NDRG3: variants seen among roughly 807,000 people sequenced by gnomAD.
NDRG3 encodes the protein NDRG family member 3.
In NDRG3, 23 loss-of-function variants were observed where a neutral mutation model predicts 57.2. The observed-to-expected ratio is 0.40, with a 90% CI of 0.29 to 0.57. The LOEUF (loss-of-function observed/expected upper bound fraction) is 0.57. Among genes scored for constraint, NDRG3 ranks in the 20% least tolerant of loss-of-function variants. NDRG3 has a pLI of 0.42. For synonymous variants in NDRG3, 132 were observed against 162.6 expected (o/e 0.81, Z 1.43); for missense variants, 384 against 457.3 (o/e 0.84, Z 1.46).
chr20:36,706,237 G>C (rs954079957), intron 3 of NDRG3, among the ~76,000 whole-genome samples: 2 of 152,144 alleles, frequency 1.3e-5, no homozygotes, highest in Non-Finnish European at 2.9e-5. Flanking sequence ...AGAGAAATCT[G>C]CATATTGTAT....
chr20:36,660,473 T>G, intron 12 of NDRG3, 89 bp from the exon 13 acceptor site: 2 of 905,052 alleles, frequency 2.2e-6, no homozygotes, highest in Non-Finnish European at 3.6e-6. Context: ...TCTTGCAAGA[T>G]CAACAGCTCA....
intron 7 of NDRG3, 45 bp from the exon 8 acceptor site, chr20:36,680,947 C>T: frequency 6.7e-7 from 1 of 1,503,058 alleles, no homozygotes. Context: ...TACACTCCCA[C>T]AGTTCTTCTA....
At chr20:36,657,349 G>A (rs1268856232) in intron 13 of NDRG3, among the ~76,000 whole-genome samples, 1 of 151,994 alleles carries the variant, frequency 6.6e-6, no homozygotes, top group Admixed American at 6.6e-5. Context: ...TTAGCCGGGC[G>A]TGGTGGCACA....
chr20:36,688,384 AAAC>A (rs1981969790), intron 4 of NDRG3, among the ~76,000 whole-genome samples: 3 of 152,188 alleles, frequency 2.0e-5, no homozygotes, highest in Non-Finnish European at 4.4e-5. Flanking sequence ...TAAAAAAAAA[AAAC>A]AGAGTACAGG....
intron 3 of NDRG3, among the ~76,000 whole-genome samples, chr20:36,693,125 T>TAC (rs71186014): frequency 1.6e-5 from 1 of 62,140 alleles, no homozygotes; most frequent in Non-Finnish European, 2.9e-5. Context: ...TATATATATA[T>TAC]ATATATATAT....
intron 3 of NDRG3, among the ~76,000 whole-genome samples, chr20:36,698,598 T>C (rs1982995230): frequency 6.6e-6 from 1 of 151,604 alleles, no homozygotes; most frequent in African/African-American, 2.4e-5. Context: ...ATCCAATTTA[T>C]GTATTGAAAA....
rs750626084 is a variant in NDRG3 at position 36,693,121 on chromosome 20, TATATATATATATATATATATAC to T, written c.94-4359_94-4338del. ...AAAAAAAAAAATATATATATATATATATATATATATATATATATATACACACACACACATATACACATATATA... is the reference window on the plus strand; with the variant it reads ...AAAAAAAAAAATATATATATATATATACACACACACATATACACATATATA... On this transcript the variant is annotated intron_variant, in intron 3 of 15. Transcript: ENST00000349004. Among the ~76,000 whole-genome samples the T allele has an allele frequency of 6.3e-3, 355 of 56,550 alleles. 7 individuals carry two copies. The highest frequency in any genetic ancestry group is 0.013 in the African/African-American group (177 of 13,580). 37.1% of individuals were successfully genotyped at this position (56,550 alleles called of 152,430 possible). A position where few individuals can be genotyped will look rare whatever the true frequency, so the allele number is the denominator to read the frequency against.
chr20:36,711,768 T>C (rs993598888), intron 2 of NDRG3, among the ~76,000 whole-genome samples: 2 of 152,190 alleles, frequency 1.3e-5, no homozygotes, highest in Non-Finnish European at 2.9e-5. Flanking sequence ...TGAAGACTAT[T>C]TAGCACTTGT....
At position 36,651,805 on chromosome 20, in the gene NDRG3, C is replaced by G. The variant is rs539854037; in HGVS notation, c.*1715G>C. The G allele has an allele frequency of 6.6e-6, 1 of 152,312 alleles. No homozygotes were observed. The highest frequency in any genetic ancestry group is 2.4e-5 in the African/African-American group (1 of 41,570). 9.4% of individuals were successfully genotyped at this position (152,312 alleles called of 1,614,324 possible). The stretch of plus-strand genomic sequence containing the variant: ...GACATATGCAGCTTTATTTAATAAT[C>G]TGTAAAAAGTCATACTCTGGCAGAG... On this transcript the variant is annotated 3_prime_UTR_variant, in exon 16 of 16. Coordinates refer to ENST00000349004, the MANE Select transcript of NDRG3 (RefSeq NM_032013.4).
At chr20:36,718,304 C>T (rs945279300) in intron 2 of NDRG3, among the ~76,000 whole-genome samples, 1 of 152,142 alleles carries the variant, frequency 6.6e-6, no homozygotes, top group South Asian at 2.1e-4. Context: ...ACCTGCTTGG[C>T]GAGAGCCAAG....
chr20:36,739,733 AC>A (rs1019973270), intron 1 of NDRG3, among the ~76,000 whole-genome samples: 3 of 151,206 alleles, frequency 2.0e-5, no homozygotes, highest in African/African-American at 7.3e-5. Flanking sequence ...CCATGGTGAA[AC>A]CCCGTCTCTA....
chr20:36,676,991 G>C (rs1980786210), intron 8 of NDRG3, among the ~76,000 whole-genome samples: 1 of 152,230 alleles, frequency 6.6e-6, no homozygotes, highest in South Asian at 2.1e-4. Context: ...GTGGATCTCA[G>C]CCTCCCTGTG....
chr20:36,676,588 G>A (rs958010770), intron 8 of NDRG3, among the ~76,000 whole-genome samples: 22 of 151,996 alleles, frequency 1.4e-4, no homozygotes, highest in African/African-American at 4.8e-4. Context: ...TCAGCCTCCC[G>A]AGTAGCTGGG....
At chr20:36,712,398 T>TC (rs1020437354) in intron 2 of NDRG3, among the ~76,000 whole-genome samples, 1 of 143,312 alleles carries the variant, frequency 7.0e-6, no homozygotes, top group African/African-American at 2.6e-5. Context: ...TTTTTCTTTT[T>TC]TTTTTTTTTT....
At chr20:36,710,363 A>C (rs1051787498) in intron 2 of NDRG3, among the ~76,000 whole-genome samples, 4 of 152,214 alleles carry the variant, frequency 2.6e-5, no homozygotes, top group Admixed American at 2.0e-4. Context: ...CATTAACAAT[A>C]GCAGCTGCTT....
At chr20:36,715,004 GTGTATATATATATA>G (rs1219086037) in intron 2 of NDRG3, among the ~76,000 whole-genome samples, 235 of 32,468 alleles carry the variant, frequency 7.2e-3, no homozygotes, top group East Asian at 0.053. Context: ...GTGTGTGTGT[GTGTATATATATATA>G]TATATATATA....
chr20:36,680,824 C>T lies in NDRG3; in HGVS notation c.523G>A (p.Ala175Thr), dbSNP rs149655116. The T allele has an allele frequency of 1.3e-4, 206 of 1,613,708 alleles. 2 individuals are homozygous for T. Among genetic ancestry groups the T allele is most frequent in the Non-Finnish European group, 2.7e-5 (32 of 1,179,768 alleles). The change falls in exon 8 of 16, where the codon GCT becomes ACT. Residue 175 changes from alanine to threonine, a missense_variant. Transcript: ENST00000349004. Reference protein sequence around the residue: ...PCAKGWIDWAASKLSGLTTNV... With the variant: ...PCAKGWIDWATSKLSGLTTNV... Reference sequence around the variant, plus strand: ...CTTCATGTGGTACTTACTTTGGAAGCTGCCCAGTCAATCCAGCCTTTAGCG... The same window carrying T: ...CTTCATGTGGTACTTACTTTGGAAGTTGCCCAGTCAATCCAGCCTTTAGCG...
chr20:36,741,619 C>G (rs1399281915), intron 1 of NDRG3, among the ~76,000 whole-genome samples: 1 of 152,168 alleles, frequency 6.6e-6, no homozygotes, highest in Admixed American at 6.6e-5. Flanking sequence ...TGGTATATAT[C>G]TTTCCAGAAC....
At chr20:36,743,899 A>G (rs1286798537) in intron 1 of NDRG3, among the ~76,000 whole-genome samples, 1 of 148,690 alleles carries the variant, frequency 6.7e-6, no homozygotes, top group African/African-American at 2.5e-5. Flanking sequence ...TAACATAAAC[A>G]AGCTTTTTTT....
Sources: gnomAD v4.1 joint callset for allele counts (sites outside exome capture counted in the v4.1 genomes callset) on GRCh38, gnomAD v4.1.1 for gene constraint, MANE v1.5 for transcripts, NCBI Gene and HGNC (gene_info 2026-07-23, HGNC 2026-07-21) for gene names.